TAF3: variants seen among roughly 807,000 people sequenced by gnomAD.
The protein encoded by TAF3 is transcription initiation factor TFIID subunit 3.
In TAF3, 7 loss-of-function variants were observed where a neutral mutation model predicts 80.6. That is an observed-to-expected ratio of 0.09 (90% CI 0.05 to 0.16). The LOEUF (loss-of-function observed/expected upper bound fraction) is 0.16, where lower values mean the gene tolerates loss of function less well. Among genes scored for constraint, TAF3 ranks in the 10% least tolerant of loss-of-function variants. The probability of loss-of-function intolerance (pLI) is 1.00; values close to 1 mark genes in which losing one functional copy is unlikely to be tolerated. For synonymous variants in TAF3, 444 were observed against 446.1 expected, an observed-to-expected ratio of 1.00 and a Z score of 0.06; for missense variants, 921 against 1,140.2, an observed-to-expected ratio of 0.81 and a Z score of 2.77.
chr10:7,894,151 G>T (rs894417694), intron 2 of TAF3, among the ~76,000 whole-genome samples: 2 of 152,100 alleles, frequency 1.3e-5, no homozygotes, highest in African/African-American at 4.8e-5. Flanking sequence ...ATGGAAGCAG[G>T]GGTTTGTAAT....
intron 2 of TAF3, among the ~76,000 whole-genome samples, chr10:7,943,489 C>T (rs190854187): frequency 3.0e-4 from 45 of 152,236 alleles, no homozygotes; most frequent in African/African-American, 8.7e-4. Context: ...CCATGGCTTC[C>T]AAACCTCACA....
In TAF3 at chr10:7,954,064, T is replaced by G. The variant is rs548750862; in HGVS notation, c.410-9856T>G. 3.5e-4 allele frequency among the ~76,000 whole-genome samples: 49 copies of G among 140,384 alleles called. 2 individuals are homozygous for G. Among genetic ancestry groups the G allele is most frequent in the African/African-American group, 1.2e-3 (47 of 39,094 alleles). 92.1% of individuals were successfully genotyped at this position (140,384 alleles called of 152,430 possible). A position where few individuals can be genotyped will look rare whatever the true frequency, so the allele number is the denominator to read the frequency against. ...TGCACTCCATAGGCGAATGAGTGAA[T>G]TAGTTCTAGTTAACATGAGCTCTCC... On this transcript the variant is annotated intron_variant, in intron 2 of 6. Coordinates refer to ENST00000344293, the MANE Select transcript of TAF3 (RefSeq NM_031923.4).
At chr10:7,969,149 A>G (rs1053368744) in intron 3 of TAF3, among the ~76,000 whole-genome samples, 2 of 151,886 alleles carry the variant, frequency 1.3e-5, no homozygotes, top group African/African-American at 2.4e-5. Context: ...AAAACAAACA[A>G]ACAAACAAAC....
intron 4 of TAF3, among the ~76,000 whole-genome samples, chr10:7,988,515 T>C (rs1182539721): frequency 3.0e-5 from 4 of 131,152 alleles, no homozygotes; most frequent in Admixed American, 2.9e-4. Context: ...GAGGTTGCAG[T>C]GAGCCAAGAT....
chr10:7,871,707 G>A (rs929131321), intron 2 of TAF3, among the ~76,000 whole-genome samples: 21 of 152,006 alleles, frequency 1.4e-4, no homozygotes, highest in Admixed American at 5.2e-4. Flanking sequence ...GCCTCCCAAA[G>A]TGCTGGAATT....
intron 2 of TAF3, among the ~76,000 whole-genome samples, chr10:7,933,699 T>A (rs1288036739): frequency 6.6e-6 from 1 of 152,218 alleles, no homozygotes; most frequent in Non-Finnish European, 1.5e-5. Context: ...TCTCTAGTGA[T>A]GATTCTTTCT....
At chr10:7,837,514 G>A (rs976978828) in intron 2 of TAF3, among the ~76,000 whole-genome samples, 5 of 152,096 alleles carry the variant, frequency 3.3e-5, no homozygotes, top group Non-Finnish European at 7.4e-5. Flanking sequence ...GTGGTGGTGC[G>A]TGCCTGTAAT....
chr10:8,010,181 A>T (rs1394820875), intron 5 of TAF3, among the ~76,000 whole-genome samples: 2 of 152,226 alleles, frequency 1.3e-5, no homozygotes, highest in Non-Finnish European at 2.9e-5. Flanking sequence ...TGCTGAGATG[A>T]CAGGCATGAA....
At chr10:7,973,456 A>T (rs1345736240) in intron 3 of TAF3, among the ~76,000 whole-genome samples, 1 of 152,210 alleles carries the variant, frequency 6.6e-6, no homozygotes, top group African/African-American at 2.4e-5. Context: ...AACTTCATAT[A>T]ATTTTTCATT....
At chr10:7,905,278 C>T (rs1025787604) in intron 2 of TAF3, among the ~76,000 whole-genome samples, 6 of 152,116 alleles carry the variant, frequency 3.9e-5, no homozygotes, top group African/African-American at 1.4e-4. Flanking sequence ...CACGCGCTGC[C>T]TTGACTATAA....
intron 2 of TAF3, among the ~76,000 whole-genome samples, chr10:7,940,712 T>G (rs1837967993): frequency 6.6e-6 from 1 of 152,192 alleles, no homozygotes; most frequent in Admixed American, 6.5e-5. Context: ...CCTAGCACTT[T>G]GGGAGGCTGA....
chr10:7,971,452 GTTT>G (rs5783006), intron 3 of TAF3, among the ~76,000 whole-genome samples: 17 of 139,312 alleles, frequency 1.2e-4, no homozygotes, highest in African/African-American at 2.7e-4. Flanking sequence ...CATATATGGT[GTTT>G]TTTTTTTTTT....
intron 6 of TAF3, 129 bp from the exon 7 acceptor site, chr10:8,014,508 G>C (rs1307905885): frequency 1.1e-5 from 8 of 726,778 alleles, no homozygotes; most frequent in Non-Finnish European, 1.6e-5. Flanking sequence ...CTACACACAA[G>C]TTAGTGCTGC....
intron 2 of TAF3, among the ~76,000 whole-genome samples, chr10:7,884,777 A>C (rs1333069458): frequency 6.6e-6 from 1 of 152,188 alleles, no homozygotes; most frequent in African/African-American, 2.4e-5. Flanking sequence ...AGTTCACCTT[A>C]GCAGAGCTAG....
chr10:7,836,131 A>G (rs546720105), intron 2 of TAF3, among the ~76,000 whole-genome samples: 5 of 152,006 alleles, frequency 3.3e-5, no homozygotes, highest in Non-Finnish European at 7.4e-5. Flanking sequence ...TCCTTCACCT[A>G]CTATGTTTCT....
At chr10:7,962,404 A>G (rs748085151) in intron 2 of TAF3, among the ~76,000 whole-genome samples, 6 of 152,040 alleles carry the variant, frequency 3.9e-5, no homozygotes, top group East Asian at 1.9e-4. Context: ...TTTTCCCAAC[A>G]CATACCCCAC....
intron 2 of TAF3, among the ~76,000 whole-genome samples, chr10:7,944,349 A>T (rs1003848957): frequency 1.4e-3 from 217 of 152,324 alleles, no homozygotes; most frequent in African/African-American, 4.8e-3. Context: ...CTTGTAAGAC[A>T]TAAATCTGGT....
chr10:8,015,664 G>A lies in TAF3; in HGVS notation c.*913G>A, dbSNP rs1832096749. ...GCTAGAGAAAAAGCCATCGTTCAAA[G>A]AAATTTCCCTTGAGCTCAGCCTGCG... On this transcript the variant is annotated 3_prime_UTR_variant, in exon 7 of 7. Transcript: ENST00000344293. The A allele has an allele frequency of 6.6e-6, 1 of 152,166 alleles. No homozygotes were observed. The highest frequency in any genetic ancestry group is 1.5e-5 in the Non-Finnish European group (1 of 68,034). The allele number at this position is 152,166 out of a possible 1,614,324, so 9.4% of individuals were successfully genotyped here.
At chr10:7,903,867 C>T (rs972344876) in intron 2 of TAF3, among the ~76,000 whole-genome samples, 9 of 151,766 alleles carry the variant, frequency 5.9e-5, no homozygotes, top group South Asian at 2.1e-4. Context: ...TACAGTCTCT[C>T]GGGGGACATA....
Sources: allele counts gnomAD v4.1 joint callset (sites outside exome capture counted in the v4.1 genomes callset), GRCh38; gene constraint gnomAD v4.1.1; transcripts MANE v1.5; gene names NCBI Gene and HGNC (gene_info 2026-07-23, HGNC 2026-07-21).